The following SGK1 variants were observed in gnomAD, a reference collection of about 807,000 sequenced individuals.
SGK1 encodes the protein serum/glucocorticoid regulated kinase 1.
Under a neutral mutation model 64.2 loss-of-function variants are expected in SGK1, and 26 were observed. The ratio of observed to expected loss-of-function variants is 0.40; its 90% CI spans 0.30 to 0.56. SGK1 has a LOEUF of 0.56. Ranked by LOEUF, SGK1 falls within the 20% of genes least tolerant of loss-of-function variation. SGK1 has a pLI of 0.38. For synonymous variants in SGK1, 265 were observed against 239.7 expected, an observed-to-expected ratio of 1.11 and a Z score of -0.98; for missense variants, 519 against 645.6, an observed-to-expected ratio of 0.80 and a Z score of 2.12.
At chr6:134,222,484 C>T (rs749553066) in intron 2 of SGK1, among the ~76,000 whole-genome samples, 8 of 151,940 alleles carry the variant, frequency 5.3e-5, no homozygotes, top group African/African-American at 9.7e-5. Flanking sequence ...TACAGGCGCC[C>T]ACCACCACGC....
rs1743965 is a variant in SGK1, at chr6:134,173,410, C to T, written c.618+52G>A. 1,572,337 of 1,585,512 alleles carry T rather than the reference C, an allele frequency of 0.99. 779,648 individuals carry two copies. The highest frequency in any genetic ancestry group is 1 in the East Asian group (44,753 of 44,754). ...TTTCTATCCTCATCCAGGGAGAATACAAAAGAGGACATGAAGGAAGTGTAC... is the reference window on the plus strand; with the variant it reads ...TTTCTATCCTCATCCAGGGAGAATATAAAAGAGGACATGAAGGAAGTGTAC... On this transcript the variant is annotated intron_variant, in intron 6 of 13. Transcript: ENST00000367858.
intron 2 of SGK1, among the ~76,000 whole-genome samples, chr6:134,243,591 A>G (rs1298888463): frequency 1.3e-5 from 2 of 151,888 alleles, no homozygotes; most frequent in African/African-American, 4.8e-5. Context: ...CTGGTCTCGA[A>G]CTCCTGGCCT....
In SGK1 at chr6:134,315,050, A is replaced by G. The variant is rs185320845; in HGVS notation, c.69+2342T>C. Reference sequence around the variant, plus strand: ...AGTTACTACATCTGGGAAAGGGAGAAAGATTGGAGAGGAGGTGGGATATAC... The same window carrying G: ...AGTTACTACATCTGGGAAAGGGAGAGAGATTGGAGAGGAGGTGGGATATAC... On this transcript the variant is annotated intron_variant, in intron 1 of 13. Coordinates refer to ENST00000367858, the MANE Select transcript of SGK1 (RefSeq NM_001143676.3). Among the ~76,000 whole-genome samples, 122 of 152,284 alleles carry G rather than the reference A, an allele frequency of 8.0e-4. 1 individual carries two copies. Among genetic ancestry groups the G allele is most frequent in the African/African-American group, 2.8e-3 (117 of 41,554 alleles).
chr6:134,305,323 G>GCACT (rs1461942297), intron 1 of SGK1, among the ~76,000 whole-genome samples: 1 of 130,896 alleles, frequency 7.6e-6, no homozygotes, highest in Non-Finnish European at 1.5e-5. Flanking sequence ...CGCGCCCACT[G>GCACT]CACTCCAGCC....
At chr6:134,306,052 G>T (rs1328466676) in intron 1 of SGK1, among the ~76,000 whole-genome samples, 1 of 152,120 alleles carries the variant, frequency 6.6e-6, no homozygotes, top group Non-Finnish European at 1.5e-5. Flanking sequence ...AGTCCAGGAG[G>T]ACATTAATTA....
chr6:134,173,498 G>C lies in SGK1; in HGVS notation c.582C>G (p.His194Gln), dbSNP rs1775101394. The change falls in exon 6 of 14, where the codon CAC becomes CAG. Residue 194 changes from histidine (H) to glutamine (Q), a missense_variant. Physicochemically the swap from His to Gln is conservative, Grantham distance 24 (BLOSUM62 0). Around this residue, in one of 2 missense-constraint regions of SGK1, gnomAD observed 241 missense variants for 236.9 expected, o/e 1.02. Transcript: ENST00000367858. ...SNPHAKPSDF[H>Q]FLKVIGKGSF... ...TGCCCTTTCCGATCACTTTCAAGAA[G>C]TGAAAGTCAGATGGTTTAGCATGAG... 1.2e-6 allele frequency: 2 copies of C among 1,613,068 alleles called. No individual in the cohort carries two copies. Among genetic ancestry groups the C allele is most frequent in the Non-Finnish European group, 1.7e-6 (2 of 1,179,686 alleles).
At chr6:134,189,759 G>T (rs1266547813) in intron 3 of SGK1, among the ~76,000 whole-genome samples, 1 of 152,128 alleles carries the variant, frequency 6.6e-6, no homozygotes, top group Non-Finnish European at 1.5e-5. Flanking sequence ...GTTTAGCAAG[G>T]TATTTAATAA....
intron 3 of SGK1, among the ~76,000 whole-genome samples, chr6:134,198,617 A>G (rs1775631003): frequency 6.6e-6 from 1 of 151,708 alleles, no homozygotes; most frequent in Admixed American, 6.6e-5. Flanking sequence ...ATGTTTTCAA[A>G]TTATGAATCA....
At chr6:134,255,821 G>T (rs373415601) in intron 2 of SGK1, among the ~76,000 whole-genome samples, 233 of 152,042 alleles carry the variant, frequency 1.5e-3, no homozygotes, top group African/African-American at 5.2e-3. Flanking sequence ...CTGACCTCAG[G>T]TGATCTGCCC....
At chr6:134,268,678 G>C (rs112757581) in intron 1 of SGK1, among the ~76,000 whole-genome samples, 2 of 136,932 alleles carry the variant, frequency 1.5e-5, no homozygotes, top group African/African-American at 5.2e-5. Context: ...AGCTGAGATC[G>C]CGCCACTGCA....
intron 1 of SGK1, among the ~76,000 whole-genome samples, chr6:134,273,592 C>CAAA (rs58634499): frequency 0.024 from 390 of 16,220 alleles, 110 homozygotes; most frequent in African/African-American, 0.038. Context: ...GACTCCGTCT[C>CAAA]AAAAAAAAAA....
rs185510402 is a variant in SGK1, at chr6:134,256,781, A to T, written c.285+5152T>A. Among the ~76,000 whole-genome samples, 392 of 152,208 alleles carry T rather than the reference A, an allele frequency of 2.6e-3. 2 individuals carry two copies. Among genetic ancestry groups the T allele is most frequent in the African/African-American group, 8.7e-3 (360 of 41,520 alleles). On this transcript the variant is annotated intron_variant, in intron 2 of 13. Transcript: ENST00000367858. ...GATTTGTTTAATTTATAAGCAGTCC[A>T]TTTCAGACAGCACTCCTCGGGATAT...
intron 2 of SGK1, chr6:134,256,907 C>G (rs1192456394): frequency 6.6e-6 from 1 of 152,204 alleles, no homozygotes; most frequent in Non-Finnish European, 1.5e-5. Context: ...GGGCTATTGG[C>G]AAGGCCTGGT....
intron 3 of SGK1, among the ~76,000 whole-genome samples, chr6:134,204,809 C>A (rs1357571315): frequency 1.3e-5 from 2 of 152,240 alleles, no homozygotes; most frequent in East Asian, 3.9e-4. Flanking sequence ...CCACCTTGGC[C>A]CCCCAAAGTG....
intron 2 of SGK1, among the ~76,000 whole-genome samples, chr6:134,247,860 C>T (rs1776548236): frequency 6.6e-6 from 1 of 152,182 alleles, no homozygotes; most frequent in Non-Finnish European, 1.5e-5. Flanking sequence ...ATCTTTTGTA[C>T]TTGGTCTCTC....
chr6:134,236,539 A>T (rs1354160415), intron 2 of SGK1, among the ~76,000 whole-genome samples: 1 of 152,082 alleles, frequency 6.6e-6, no homozygotes, highest in African/African-American at 2.4e-5. Context: ...AGATGGGAGG[A>T]TCACCTGAGT....
At chr6:134,218,084 A>G (rs1776015268) in intron 2 of SGK1, among the ~76,000 whole-genome samples, 1 of 152,208 alleles carries the variant, frequency 6.6e-6, no homozygotes, top group African/African-American at 2.4e-5. Context: ...CAACTAGTAG[A>G]GTTCAGAGGA....
chr6:134,206,485 AATC>A (rs1427137361), intron 3 of SGK1, among the ~76,000 whole-genome samples: 2 of 148,994 alleles, frequency 1.3e-5, no homozygotes, highest in Admixed American at 6.9e-5. Context: ...ATGAAAACCC[AATC>A]ATCACACTTA....
Position 134,200,876 on chromosome 6 carries a change from C to G in SGK1, c.361+6480G>C, listed in dbSNP as rs145384231. 6.1e-3 allele frequency among the ~76,000 whole-genome samples: 932 copies of G among 151,952 alleles called. 8 individuals are homozygous for G. The highest frequency in any genetic ancestry group is 0.022 in the African/African-American group (893 of 41,460). ...CTGAGATCATGCCACTGCACTCCAG[C>G]CTGGGTGACAGAGTGAGACCTTGTC... On this transcript the variant is annotated intron_variant, in intron 3 of 13. Coordinates refer to ENST00000367858, the MANE Select transcript of SGK1 (RefSeq NM_001143676.3).
Sources: gnomAD v4.1 joint callset for allele counts (sites outside exome capture counted in the v4.1 genomes callset) on GRCh38, gnomAD v4.1.1 for gene constraint, gnomAD v4.1.1 regional missense constraint, MANE v1.5 for transcripts, NCBI Gene and HGNC (gene_info 2026-07-23, HGNC 2026-07-21) for gene names.